Variants in MACF1 observed in about 807,000 individuals in gnomAD.
The protein encoded by MACF1 is microtubule-actin cross-linking factor 1.
Under a neutral mutation model 854.8 loss-of-function variants are expected in MACF1, and 193 were observed. That is an observed-to-expected ratio of 0.23 (90% CI 0.20 to 0.25). MACF1 has a LOEUF of 0.25. Ranked by LOEUF, MACF1 falls within the 10% of genes least tolerant of loss-of-function variation. MACF1 has a pLI of 1.00. For synonymous variants in MACF1, 3,185 were observed against 3,226.7 expected, an observed-to-expected ratio of 0.99 and a Z score of 0.44; for missense variants, 7,722 against 8,929.1, an observed-to-expected ratio of 0.86 and a Z score of 5.45.
chr1:39,286,153 A>G (rs927190382), intron 14 of MACF1, among the ~76,000 whole-genome samples: 7 of 152,084 alleles, frequency 4.6e-5, no homozygotes, highest in African/African-American at 1.4e-4. Context: ...AGCTAGGCCT[A>G]TAAGTGCAGG....
At chr1:39,312,254 C>T (rs996296660) in intron 26 of MACF1, among the ~76,000 whole-genome samples, 49 of 152,090 alleles carry the variant, frequency 3.2e-4, no homozygotes, top group Non-Finnish European at 7.4e-5. Context: ...TCTAAAATAC[C>T]TCTTCCTTTT....
intron 2 of MACF1, among the ~76,000 whole-genome samples, chr1:39,175,044 T>A (rs1434142787): frequency 6.6e-6 from 1 of 152,172 alleles, no homozygotes. Flanking sequence ...GCACAGAAAT[T>A]TAGATTTTTG....
At chr1:39,444,601 T>A in intron 79 of MACF1, 61 bp from the exon 80 acceptor site, 1 of 1,445,904 alleles carries the variant, frequency 6.9e-7, no homozygotes, top group Non-Finnish European at 9.4e-7. Context: ...CTACAGAATC[T>A]ATATGTAGGT....
rs746317928 is a variant in MACF1 at position 39,334,550 on chromosome 1, C to A, written c.7962C>A (p.Asp2654Glu). The part of the protein sequence containing the change: ...QRYLEVIPFS[D>E]IKDGVSDKVL... ...ATCTAGAAGTAATTCCCTTCTCAGA[C>A]ATTAAAGATGGGGTGAGCGACAAAG... The change falls in exon 37 of 101, where the codon GAC (aspartate) becomes GAA (glutamate). Residue 2654 changes from aspartate to glutamate, a missense_variant. By Grantham distance (45) the Asp-to-Glu change is conservative. Coordinates refer to ENST00000564288, the MANE Select transcript of MACF1 (RefSeq NM_001394062.1). The A allele has an allele frequency of 8.1e-6, 13 of 1,614,058 alleles. No homozygotes were observed. Among genetic ancestry groups the A allele is most frequent in the Non-Finnish European group, 1.1e-5 (13 of 1,179,996 alleles).
At position 39,304,508 on chromosome 1, in the gene MACF1, A is replaced by G. The variant is rs1057468993; in HGVS notation, c.2789+1430A>G. 1.4e-5 allele frequency: 20 copies of G among 1,393,652 alleles called. No homozygotes were observed. The East Asian group carries it at 1.6e-4, about 11-fold the overall frequency. The allele number at this position is 1,393,652 out of a possible 1,614,324, so 86.3% of individuals were successfully genotyped here. A position where few individuals can be genotyped will look rare whatever the true frequency, so the allele number is the denominator to read the frequency against. On this transcript the variant is annotated intron_variant, in intron 23 of 100. Coordinates refer to ENST00000564288, the MANE Select transcript of MACF1 (RefSeq NM_001394062.1). ...TTTTCCTTGAGATTTTTCTGGAAGC[A>G]TAATGCCTCCTTTGGTTACAGTTTC...
intron 87 of MACF1, 32 bp downstream of exon 87, chr1:39,452,844 G>A: frequency 6.2e-7 from 1 of 1,609,084 alleles, no homozygotes; most frequent in Non-Finnish European, 8.5e-7. Flanking sequence ...GTGACCTCAT[G>A]CTACCTACCA....
At position 39,447,686 on chromosome 1, in the gene MACF1, C is replaced by A. The variant is rs1644257238; in HGVS notation, c.19762-6C>A. 3 of 1,614,046 alleles carry A rather than the reference C, an allele frequency of 1.9e-6. No individual in the cohort carries two copies. Among genetic ancestry groups the A allele is most frequent in the Non-Finnish European group, 2.5e-6 (3 of 1,179,972 alleles). ...AAGCTAAAAAAGAGCACTATTGTTCCCTCAGGTTTTTGCTAATGAAGTAAA... is the reference window on the plus strand; with the variant it reads ...AAGCTAAAAAAGAGCACTATTGTTCACTCAGGTTTTTGCTAATGAAGTAAA... On this transcript the variant is annotated splice_region_variant and splice_polypyrimidine_tract_variant and intron_variant, in intron 81 of 100. Coordinates refer to ENST00000564288, the MANE Select transcript of MACF1 (RefSeq NM_001394062.1).
Position 39,333,965 on chromosome 1 carries a change from A to G in MACF1, c.7377A>G (p.Leu2459=), listed in dbSNP as rs1646770568. 6.2e-7 allele frequency: 1 copy of G among 1,614,182 alleles called. No individual in the cohort carries two copies. Among genetic ancestry groups the G allele is most frequent in the Middle Eastern group, 1.6e-4 (1 of 6,062 alleles). ...CTGAAAAAACAGTTAGGGAGAGATT[A>G]ATTAGTTTACAAATGGAAACAACAG... ...RDAEKTVRER[L]ISLQMETTGL... The change falls in exon 37 of 101, where the codon TTA becomes TTG. Residue 2459 remains leucine, a synonymous_variant. Coordinates refer to ENST00000564288, the MANE Select transcript of MACF1 (RefSeq NM_001394062.1).
chr1:39,443,474 A>G lies in MACF1; in HGVS notation c.19331A>G (p.Asp6444Gly), dbSNP rs777196509. The G allele has an allele frequency of 2.5e-6, 4 of 1,613,124 alleles. No homozygotes were observed. Among genetic ancestry groups the G allele is most frequent in the Non-Finnish European group, 3.4e-6 (4 of 1,179,754 alleles). The change falls in exon 79 of 101, where the codon GAT becomes GGT. Residue 6444 changes from aspartate (D) to glycine (G), a missense_variant. By Grantham distance (94) the Asp-to-Gly change is moderately conservative. This residue lies in a region of MACF1 where 729 missense variants were observed against 900.5 expected (regional missense o/e 0.81). Transcript: ENST00000564288. ...QAQGFHSEIE[D>G]FLLELTRMES... ...CAGGGCTTCCACAGTGAAATTGAAG[A>G]TTTCCTCTTGGAACTTACTAGAATG... is the stretch of plus-strand genomic sequence containing the variant.
In MACF1 at chr1:39,409,295, G is replaced by GC. The variant is rs1642873533; in HGVS notation, c.15817-13077dup. Reference sequence around the variant, plus strand: ...GCAGCCCACGGCGTGGCGGCTGCGGGCCGGGGACTGGCGGCGGCGGGCGAG... The same window carrying GC: ...GCAGCCCACGGCGTGGCGGCTGCGGGCCCGGGGACTGGCGGCGGCGGGCGAG... On this transcript the variant is annotated intron_variant, in intron 58 of 100. Coordinates refer to ENST00000564288, the MANE Select transcript of MACF1 (RefSeq NM_001394062.1). The surrounding 1 kb of genome is among the most constrained non-coding windows in gnomAD (Gnocchi z 4.2). Among the ~76,000 whole-genome samples, 1 of 152,120 alleles carries GC rather than the reference G, an allele frequency of 6.6e-6. No individual in the cohort carries two copies. Among genetic ancestry groups the GC allele is most frequent in the Non-Finnish European group, 1.5e-5 (1 of 67,990 alleles).
At chr1:39,362,728 T>TGG (rs1371650935) in intron 49 of MACF1, among the ~76,000 whole-genome samples, 1 of 152,178 alleles carries the variant, frequency 6.6e-6, no homozygotes, top group African/African-American at 2.4e-5. Context: ...GAGTCCCACT[T>TGG]TTAGTGGGGA....
chr1:39,096,761 T>C (rs907672555), intron 2 of MACF1, among the ~76,000 whole-genome samples: 1 of 152,100 alleles, frequency 6.6e-6, no homozygotes, highest in African/African-American at 2.4e-5. Flanking sequence ...ACCATTATAT[T>C]ATACTACCTT....
In MACF1 at chr1:39,295,119, T is replaced by G. The variant is rs1162112568; in HGVS notation, c.2228T>G (p.Leu743Arg). 1 of 1,614,100 alleles carries G rather than the reference T, an allele frequency of 6.2e-7. No individual in the cohort carries two copies. Among genetic ancestry groups the G allele is most frequent in the Non-Finnish European group, 8.5e-7 (1 of 1,179,980 alleles). Residue 743 changes from leucine (L) to arginine (R), a missense_variant, in exon 19 of 101, where the codon CTT becomes CGT. This residue lies in a region of MACF1 where 1,137 missense variants were observed against 1,263.0 expected (regional missense o/e 0.90). Coordinates refer to ENST00000564288, the MANE Select transcript of MACF1 (RefSeq NM_001394062.1). ...SLQDTAELLS[L>R]ENHPAKQTVE... Reference sequence around the variant, plus strand: ...CAAGATACAGCAGAACTACTTTCACTTGAGAACCACCCAGCCAAGCAGACA... The same window carrying G: ...CAAGATACAGCAGAACTACTTTCACGTGAGAACCACCCAGCCAAGCAGACA...
intron 3 of MACF1, 50 bp downstream of exon 3, chr1:39,250,153 A>G (rs1399880831): frequency 2.4e-6 from 3 of 1,250,924 alleles, no homozygotes; most frequent in Admixed American, 1.7e-5. Flanking sequence ...TACAAATGAC[A>G]TATTGGTCCA....
At chr1:39,349,682 G>T in intron 42 of MACF1, 55 bp downstream of exon 42, 3 of 1,573,454 alleles carry the variant, frequency 1.9e-6, no homozygotes, top group Non-Finnish European at 1.7e-6. Context: ...GCTTAGGCTG[G>T]AGTACAGTGG....
rs1421046373 is a variant in MACF1, at chr1:39,357,576, C to A, written c.11626C>A (p.Gln3876Lys). The A allele has an allele frequency of 6.2e-7, 1 of 1,614,096 alleles. No individual in the cohort carries two copies. The highest frequency in any genetic ancestry group is 8.5e-7 in the Non-Finnish European group (1 of 1,179,988). Residue 3876 changes from glutamine to lysine, a missense_variant, in exon 45 of 101, where the codon CAG becomes AAG. By Grantham distance (53) the Gln-to-Lys change is moderately conservative. Around this residue, in one of 15 missense-constraint regions of MACF1, gnomAD observed 2,807 missense variants for 3,235.8 expected, o/e 0.87. Transcript: ENST00000564288. Reference protein sequence around the residue: ...EAELKQVQTLQDELQKFLQDH... With the variant: ...EAELKQVQTLKDELQKFLQDH... ...AGAACTGAAGCAGGTGCAGACACTTCAGGATGAGTTGCAGAAATTTCTGCA... is the reference window on the plus strand; with the variant it reads ...AGAACTGAAGCAGGTGCAGACACTTAAGGATGAGTTGCAGAAATTTCTGCA...
At chr1:39,405,115 C>G (rs183330836) in intron 58 of MACF1, among the ~76,000 whole-genome samples, 17 of 152,236 alleles carry the variant, frequency 1.1e-4, no homozygotes, top group African/African-American at 4.1e-4. Flanking sequence ...CATGGGTTCA[C>G]GAGTACATGA....
intron 23 of MACF1, among the ~76,000 whole-genome samples, chr1:39,308,984 C>T (rs1307334167): frequency 6.6e-6 from 1 of 152,148 alleles, no homozygotes; most frequent in Non-Finnish European, 1.5e-5. Flanking sequence ...TCTTAAGCTG[C>T]TATTAATTTC....
chr1:39,169,368 GA>G (rs1456061355), intron 2 of MACF1, among the ~76,000 whole-genome samples: 2 of 152,214 alleles, frequency 1.3e-5, no homozygotes, highest in Non-Finnish European at 2.9e-5. Context: ...GGCTGAGGCA[GA>G]AGGATTGCTT....
Sources: gnomAD v4.1 joint callset for allele counts (sites outside exome capture counted in the v4.1 genomes callset) on GRCh38, gnomAD v4.1.1 for gene constraint, gnomAD v4.1.1 regional missense constraint, Gnocchi (gnomAD v3.1) non-coding constraint, MANE v1.5 for transcripts, NCBI Gene and HGNC (gene_info 2026-07-23, HGNC 2026-07-21) for gene names.